NCOA2: variants seen among roughly 807,000 people sequenced by gnomAD.
NCOA2 encodes nuclear receptor coactivator 2.
A neutral mutation model predicts 145.1 loss-of-function variants in NCOA2; 21 were observed. The observed-to-expected ratio is 0.14, with a 90% CI of 0.10 to 0.21. The LOEUF (loss-of-function observed/expected upper bound fraction) is 0.21. Ranked by LOEUF, NCOA2 falls within the 10% of genes least tolerant of loss-of-function variation. The pLI, the probability that NCOA2 is intolerant of heterozygous loss-of-function variation, is 1.00. For synonymous variants in NCOA2, 619 were observed against 637.5 expected (o/e 0.97, Z 0.44); for missense variants, 1,472 against 1,837.6 (o/e 0.80, Z 3.64).
intron 15 of NCOA2, among the ~76,000 whole-genome samples, chr8:70,136,350 A>G (rs1394790593): frequency 6.6e-6 from 1 of 152,198 alleles, no homozygotes. Flanking sequence ...CAACAAAGTG[A>G]GACTCTGTCT....
intron 16 of NCOA2, among the ~76,000 whole-genome samples, chr8:70,130,683 G>C (rs1808989202): frequency 6.6e-6 from 1 of 152,186 alleles, no homozygotes; most frequent in Non-Finnish European, 1.5e-5. Context: ...TAATGTTTCA[G>C]AGAAGTCTCC....
At chr8:70,358,449 A>G (rs1011601518) in intron 1 of NCOA2, among the ~76,000 whole-genome samples, 8 of 152,250 alleles carry the variant, frequency 5.3e-5, no homozygotes, top group Admixed American at 4.6e-4. Context: ...CAGAGTCCAG[A>G]AATACATTAT....
At chr8:70,388,321 C>T (rs1236922942) in intron 1 of NCOA2, among the ~76,000 whole-genome samples, 1 of 152,088 alleles carries the variant, frequency 6.6e-6, no homozygotes, top group Non-Finnish European at 1.5e-5. Flanking sequence ...AAAATAGAAA[C>T]ATACTATAAT....
At chr8:70,272,033 T>TA (rs2135309209) in intron 2 of NCOA2, among the ~76,000 whole-genome samples, 1 of 152,354 alleles carries the variant, frequency 6.6e-6, no homozygotes, top group South Asian at 2.1e-4. Flanking sequence ...AGAAATATTT[T>TA]AAAGTACGTA....
chr8:70,361,847 G>A (rs980205103), intron 1 of NCOA2, among the ~76,000 whole-genome samples: 4 of 152,196 alleles, frequency 2.6e-5, no homozygotes, highest in Non-Finnish European at 5.9e-5. Flanking sequence ...AGTGAAGTAG[G>A]AGTTAACTGT....
intron 2 of NCOA2, among the ~76,000 whole-genome samples, chr8:70,229,643 T>C (rs1820963834): frequency 6.6e-6 from 1 of 152,168 alleles, no homozygotes; most frequent in African/African-American, 2.4e-5. Context: ...TCCCCCAGGT[T>C]ACTGCCAGGC....
chr8:70,432,002 A>G, the NCOA2 span, among the ~76,000 whole-genome samples: 1 of 152,238 alleles, frequency 6.6e-6, no homozygotes, highest in Non-Finnish European at 1.5e-5. Flanking sequence ...GGAATAGTAA[A>G]TGGTAAAATC....
the NCOA2 span, among the ~76,000 whole-genome samples, chr8:70,416,199 T>TTG: frequency 1.3e-5 from 2 of 151,098 alleles, no homozygotes; most frequent in South Asian, 2.1e-4. Context: ...TTTTTTGTTT[T>TTG]TTTTTTTTTT....
At chr8:70,118,722 CTT>C (rs1268734826) in intron 22 of NCOA2, among the ~76,000 whole-genome samples, 2 of 143,230 alleles carry the variant, frequency 1.4e-5, no homozygotes, top group African/African-American at 2.6e-5. Flanking sequence ...GAGTTTTGCT[CTT>C]GTCACCCATG....
chr8:70,268,361 T>A (rs1402681340), intron 2 of NCOA2, among the ~76,000 whole-genome samples: 1 of 152,210 alleles, frequency 6.6e-6, no homozygotes, highest in Non-Finnish European at 1.5e-5. Flanking sequence ...GGGCTCCTCA[T>A]GTACCCTCTA....
chr8:70,237,483 C>T (rs757691058), intron 2 of NCOA2, among the ~76,000 whole-genome samples: 4 of 151,190 alleles, frequency 2.6e-5, no homozygotes, highest in Non-Finnish European at 5.9e-5. Context: ...AAATTTAGGG[C>T]CAGGTGCAAT....
At chr8:70,403,847 C>CCT, upstream of NCOA2, 1 of 375,924 alleles carries the variant, frequency 2.7e-6, no homozygotes, top group African/African-American at 2.2e-5. Context: ...TCCCCCAACT[C>CCT]CCTCCTCCTC....
At chr8:70,408,615 A>G (rs1186090764), upstream of NCOA2, among the ~76,000 whole-genome samples, 4 of 152,118 alleles carry the variant, frequency 2.6e-5, no homozygotes, top group Non-Finnish European at 5.9e-5. Flanking sequence ...CGTGGGCAAC[A>G]TAGCAATACT....
intron 1 of NCOA2, among the ~76,000 whole-genome samples, chr8:70,317,074 T>C (rs576862638): frequency 6.6e-6 from 1 of 152,340 alleles, no homozygotes; most frequent in South Asian, 2.1e-4. Context: ...TCTTGGGGTT[T>C]GCAGTGGCTA....
At chr8:70,229,239 T>C (rs752901563) in intron 2 of NCOA2, among the ~76,000 whole-genome samples, 1 of 152,234 alleles carries the variant, frequency 6.6e-6, no homozygotes, top group East Asian at 1.9e-4. Flanking sequence ...CTTTGCTCTA[T>C]GGACACTGCA....
chr8:70,402,140 T>A (rs1814322004), intron 1 of NCOA2: 1 of 152,288 alleles, frequency 6.6e-6, no homozygotes, highest in Non-Finnish European at 1.5e-5. Context: ...CCTTCCTTCC[T>A]CCGGTCCGCA....
intron 1 of NCOA2, among the ~76,000 whole-genome samples, chr8:70,387,630 T>G (rs940963501): frequency 2.1e-5 from 3 of 140,562 alleles, no homozygotes; most frequent in African/African-American, 7.9e-5. Context: ...GAATCAATGC[T>G]TCCTCCCTGC....
chr8:70,113,419 T>C lies in NCOA2; in HGVS notation c.*213A>G. 1 of 601,136 alleles carries C rather than the reference T, an allele frequency of 1.7e-6. No individual in the cohort carries two copies. The highest frequency in any genetic ancestry group is 4.2e-4 in the Middle Eastern group (1 of 2,368). 37.2% of individuals were successfully genotyped at this position (601,136 alleles called of 1,614,324 possible). ...GCAGTGAACAGACTGAGCGACTGTC[T>C]GGATGCGAGCTTCAGACTGTCAAGA... is the stretch of plus-strand genomic sequence containing the variant. On this transcript the variant is annotated 3_prime_UTR_variant, in exon 23 of 23. Coordinates refer to ENST00000452400, the MANE Select transcript of NCOA2 (RefSeq NM_006540.4).
intron 10 of NCOA2, among the ~76,000 whole-genome samples, chr8:70,159,244 T>TATATATATATATATATAGGTATATATA: frequency 1.4e-5 from 1 of 69,286 alleles, no homozygotes; most frequent in South Asian, 3.9e-4. Flanking sequence ...ATATATATAT[T>TATATATATATATATATAGGTATATATA]TTTTTTTTTT....
Sources: allele counts gnomAD v4.1 joint callset (sites outside exome capture counted in the v4.1 genomes callset), GRCh38; gene constraint gnomAD v4.1.1; transcripts MANE v1.5; gene names NCBI Gene and HGNC (gene_info 2026-07-23, HGNC 2026-07-21).